Variants in PRR16 observed in about 807,000 individuals in gnomAD.
PRR16 encodes proline rich 16.
Under a neutral mutation model 18.2 loss-of-function variants are expected in PRR16, and 6 were observed. The ratio of observed to expected loss-of-function variants is 0.33; its 90% CI spans 0.18 to 0.65. The LOEUF (loss-of-function observed/expected upper bound fraction) is 0.65, where lower values mean the gene tolerates loss of function less well. Among genes scored for constraint, PRR16 ranks in the 30% least tolerant of loss-of-function variants. The pLI is 0.74. For missense variants in PRR16, 412 were observed against 376.6 expected, an observed-to-expected ratio of 1.09 and a Z score of -0.78; for synonymous variants, 151 against 147.8, an observed-to-expected ratio of 1.02 and a Z score of -0.16.
intron 1 of PRR16, among the ~76,000 whole-genome samples, chr5:120,678,085 AT>A (rs569663284): frequency 1.3e-3 from 193 of 151,472 alleles, no homozygotes; most frequent in African/African-American, 4.4e-3. Context: ...AATTTTTTGT[AT>A]TTTTAGTAGA....
chr5:120,700,379 G>T, the PRR16 span, among the ~76,000 whole-genome samples: 1 of 152,044 alleles, frequency 6.6e-6, no homozygotes, highest in African/African-American at 2.4e-5. Context: ...ATGAGATGGT[G>T]AGGGGTGCAT....
chr5:120,532,181 A>T (rs1751572510), intron 1 of PRR16, among the ~76,000 whole-genome samples: 1 of 152,166 alleles, frequency 6.6e-6, no homozygotes, highest in Admixed American at 6.5e-5. Context: ...TTCCTTTCTT[A>T]GGCATGATTA....
chr5:120,782,697 G>GAGAA, the PRR16 span, among the ~76,000 whole-genome samples: 1 of 152,130 alleles, frequency 6.6e-6, no homozygotes, highest in Non-Finnish European at 1.5e-5. Flanking sequence ...GAGACTGGAT[G>GAGAA]AGAAAGAAAG....
chr5:120,471,463 C>T (rs1277946943), intron 1 of PRR16, among the ~76,000 whole-genome samples: 1 of 152,074 alleles, frequency 6.6e-6, no homozygotes, highest in African/African-American at 2.4e-5. Flanking sequence ...TGAGGTTTGA[C>T]AGTTCTCTTG....
Position 120,464,516 on chromosome 5 carries a change from C to T in PRR16, c.30C>T (p.Ser10=). 1 of 1,591,780 alleles carries T rather than the reference C, an allele frequency of 6.3e-7. No homozygotes were observed. The highest frequency in any genetic ancestry group is 1.7e-5 in the Admixed American group (1 of 59,132). MSAKSKGNP[S]SSCPAEGPPA... ...CAGCCAAGTCCAAGGGGAACCCCTC[C>T]TCGTCCTGTCCAGCCGAGGGACCGC... Residue 10 remains serine (S), a synonymous_variant, in exon 1 of 2, where the codon TCC becomes TCT. Coordinates refer to ENST00000407149, the MANE Select transcript of PRR16 (RefSeq NM_001300783.2).
chr5:120,536,524 G>T (rs940375820), intron 1 of PRR16, among the ~76,000 whole-genome samples: 24 of 152,050 alleles, frequency 1.6e-4, no homozygotes, highest in Non-Finnish European at 7.4e-5. Context: ...TAAAAGTTAA[G>T]TACACATATA....
At chr5:120,647,563 A>G (rs1755641642) in intron 1 of PRR16, among the ~76,000 whole-genome samples, 1 of 152,090 alleles carries the variant, frequency 6.6e-6, no homozygotes, top group Admixed American at 6.6e-5. Flanking sequence ...CGCCTTTGGT[A>G]ATACTTGACT....
At chr5:120,786,132 T>G in the PRR16 span, among the ~76,000 whole-genome samples, 1 of 151,692 alleles carries the variant, frequency 6.6e-6, no homozygotes, top group African/African-American at 2.4e-5. Flanking sequence ...ACCTGTTATG[T>G]TGAATTTTAT....
intron 1 of PRR16, among the ~76,000 whole-genome samples, chr5:120,617,844 C>G (rs1055843767): frequency 2.4e-4 from 36 of 152,026 alleles, no homozygotes; most frequent in Non-Finnish European, 4.4e-5. Context: ...CGATCATTAC[C>G]TTTAACAGCT....
the PRR16 span, among the ~76,000 whole-genome samples, chr5:120,739,192 T>C: frequency 1.2e-4 from 18 of 152,278 alleles, no homozygotes; most frequent in Middle Eastern, 3.4e-3. Flanking sequence ...TGAGTGAGTA[T>C]GTAACAAGAA....
intron 1 of PRR16, among the ~76,000 whole-genome samples, chr5:120,473,422 C>T (rs1749333038): frequency 6.6e-6 from 1 of 151,936 alleles, no homozygotes; most frequent in Non-Finnish European, 1.5e-5. Context: ...TTTCAAATTG[C>T]TCTGCTGTGC....
At chr5:120,637,992 A>C (rs945592731) in intron 1 of PRR16, among the ~76,000 whole-genome samples, 10 of 152,138 alleles carry the variant, frequency 6.6e-5, no homozygotes, top group Admixed American at 3.3e-4. Flanking sequence ...AGATTTTTTC[A>C]GATTTTGGAA....
intron 1 of PRR16, among the ~76,000 whole-genome samples, chr5:120,535,435 G>A (rs1036319092): frequency 1.3e-5 from 2 of 152,082 alleles, no homozygotes; most frequent in African/African-American, 4.8e-5. Flanking sequence ...TCTTAACTAT[G>A]TTTGTGTACA....
At chr5:120,533,835 A>T (rs1383872574) in intron 1 of PRR16, among the ~76,000 whole-genome samples, 1 of 152,234 alleles carries the variant, frequency 6.6e-6, no homozygotes, top group Non-Finnish European at 1.5e-5. Flanking sequence ...AACACATGAC[A>T]CGAATTCCAT....
intron 1 of PRR16, among the ~76,000 whole-genome samples, chr5:120,510,517 G>C (rs1750793599): frequency 6.6e-6 from 1 of 152,154 alleles, no homozygotes; most frequent in Non-Finnish European, 1.5e-5. Context: ...TGTAGAAAAA[G>C]ACTATGTCCC....
rs1013888396 is a variant in PRR16, at chr5:120,465,274, C to T, written c.159+629C>T. Among the ~76,000 whole-genome samples, 3 of 152,234 alleles carry T rather than the reference C, an allele frequency of 2.0e-5. No individual in the cohort carries two copies. The East Asian group carries it at 5.8e-4, about 29-fold the overall frequency. ...AGTTTCTGAAGCATCCCCTGCTCTCCTCCGAACGTCGTTACCAGTAACTCT... is the reference window on the plus strand; with the variant it reads ...AGTTTCTGAAGCATCCCCTGCTCTCTTCCGAACGTCGTTACCAGTAACTCT... On this transcript the variant is annotated intron_variant, in intron 1 of 1. Transcript: ENST00000407149.
chr5:120,598,442 A>G (rs1753883693), intron 1 of PRR16, among the ~76,000 whole-genome samples: 1 of 151,020 alleles, frequency 6.6e-6, no homozygotes, highest in African/African-American at 2.4e-5. Flanking sequence ...TTCAACTTTT[A>G]TTTTTGAATC....
At chr5:120,599,811 C>T (rs1477393469) in intron 1 of PRR16, among the ~76,000 whole-genome samples, 1 of 151,830 alleles carries the variant, frequency 6.6e-6, no homozygotes, top group Non-Finnish European at 1.5e-5. Flanking sequence ...TTATTGCTGA[C>T]ATAGTCCAAC....
intron 1 of PRR16, among the ~76,000 whole-genome samples, chr5:120,488,488 G>A (rs1749898943): frequency 1.3e-5 from 2 of 152,082 alleles, no homozygotes; most frequent in African/African-American, 4.8e-5. Context: ...TGCGATTGGT[G>A]GTGATATCCC....
Sources: allele counts gnomAD v4.1 joint callset (sites outside exome capture counted in the v4.1 genomes callset), GRCh38; gene constraint gnomAD v4.1.1; transcripts MANE v1.5; gene names NCBI Gene and HGNC (gene_info 2026-07-23, HGNC 2026-07-21).